CDC20B: variants seen among roughly 807,000 people sequenced by gnomAD.
CDC20B encodes the protein cell division cycle protein 20 homolog B.
In CDC20B, 58 loss-of-function variants were observed where a neutral mutation model predicts 64.1. The observed-to-expected ratio is 0.90, with a 90% confidence interval of 0.73 to 1.13. CDC20B has a LOEUF of 1.13. CDC20B is among the 50% of genes most tolerant of loss of function. The pLI, the probability that CDC20B is intolerant of heterozygous loss-of-function variation, is 0.00. For missense variants in CDC20B, 597 were observed against 633.0 expected, an observed-to-expected ratio of 0.94 and a Z score of 0.61; for synonymous variants, 243 against 230.6, an observed-to-expected ratio of 1.05 and a Z score of -0.49.
At position 55,162,878 on chromosome 5, in the gene CDC20B, A is replaced by C. The variant is rs528990911; in HGVS notation, c.126+9710T>G. Among the ~76,000 whole-genome samples the C allele has an allele frequency of 1.1e-4, 17 of 152,320 alleles. 1 individual carries two copies. Among genetic ancestry groups the C allele is most frequent in the African/African-American group, 4.1e-4 (17 of 41,578 alleles). ...GTGTCATTCCACTTAGATAGGAAGGATCATAGAGCCCAAAGGTTAAGAGCA... is the reference window on the plus strand; with the variant it reads ...GTGTCATTCCACTTAGATAGGAAGGCTCATAGAGCCCAAAGGTTAAGAGCA... On this transcript the variant is annotated intron_variant, in intron 2 of 11. Coordinates refer to ENST00000381375, the MANE Select transcript of CDC20B (RefSeq NM_001170402.1).
intron 2 of CDC20B, among the ~76,000 whole-genome samples, chr5:55,157,604 C>T (rs1002034211): frequency 1.3e-5 from 2 of 152,156 alleles, no homozygotes; most frequent in Admixed American, 6.5e-5. Flanking sequence ...TGAAACCAAC[C>T]TCAACATCAG....
chr5:55,114,232 A>C lies in CDC20B; in HGVS notation c.1546T>G (p.Trp516Gly), dbSNP rs1470346715. ...GGGGCTGGGTGCTAGTAGCAATTCC[A>C]TACAGAGGCCGTCCCATCAGCTGCA... ...SAAADGTASV[W>G]NCY The change falls in exon 12 of 12, where the codon TGG becomes GGG. Residue 516 changes from tryptophan (W) to glycine (G), a missense_variant. Coordinates refer to ENST00000381375, the MANE Select transcript of CDC20B (RefSeq NM_001170402.1). This position sits in a 1 kb window ranked among gnomAD's most constrained non-coding sequence, Gnocchi z 4.1. 4 of 1,613,608 alleles carry C rather than the reference A, an allele frequency of 2.5e-6. No homozygotes were observed. In the African/African-American group the frequency reaches 4.0e-5, roughly 16 times the overall value.
chr5:55,128,323 C>T (rs1348559221), intron 7 of CDC20B, 98 bp downstream of exon 7: 2 of 910,018 alleles, frequency 2.2e-6, no homozygotes, highest in South Asian at 1.9e-5. Context: ...AAGAGCCACA[C>T]CTAGTTTCTC....
chr5:55,138,068 A>G (rs1743230187), intron 5 of CDC20B, among the ~76,000 whole-genome samples: 1 of 152,020 alleles, frequency 6.6e-6, no homozygotes, highest in Non-Finnish European at 1.5e-5. Context: ...AGAAGAAACC[A>G]GATGTTTATT....
At chr5:55,135,599 T>G (rs1376939139) in intron 5 of CDC20B, among the ~76,000 whole-genome samples, 1 of 152,180 alleles carries the variant, frequency 6.6e-6, no homozygotes, top group Non-Finnish European at 1.5e-5. Flanking sequence ...CCCTTTTTAC[T>G]GCTGGGAAAC....
intron 5 of CDC20B, among the ~76,000 whole-genome samples, chr5:55,138,323 G>C (rs1280176382): frequency 6.6e-6 from 1 of 152,094 alleles, no homozygotes; most frequent in East Asian, 1.9e-4. Context: ...ACTATGTTCA[G>C]CTAATTTTTG....
At chr5:55,117,439 A>G (rs1270028156) in intron 11 of CDC20B, among the ~76,000 whole-genome samples, 1 of 152,202 alleles carries the variant, frequency 6.6e-6, no homozygotes, top group African/African-American at 2.4e-5. Flanking sequence ...GTTTCATAAA[A>G]TACTACTTAA....
Position 55,119,991 on chromosome 5 carries a change from G to A in CDC20B, c.1342-73C>T, listed in dbSNP as rs187782683. ...TATGAATATAGTTAAACTGGTTACA[G>A]GCAGTATGCACTGTCCATGACCCAA... On this transcript the variant is annotated intron_variant, in intron 10 of 11. Coordinates refer to ENST00000381375, the MANE Select transcript of CDC20B (RefSeq NM_001170402.1). The A allele has an allele frequency of 7.7e-5, 86 of 1,111,070 alleles. 1 individual carries two copies. In the Admixed American group the frequency reaches 9.1e-4, roughly 12 times the overall value. The allele number at this position is 1,111,070 out of a possible 1,614,324, so 68.8% of individuals were successfully genotyped here. A position where few individuals can be genotyped will look rare whatever the true frequency, so the allele number is the denominator to read the frequency against.
rs1365873356 is a variant in CDC20B, at chr5:55,127,316, A to T, written c.930T>A (p.Asn310Lys). The change falls in exon 8 of 12, where the codon AAT (asparagine) becomes AAA (lysine). Residue 310 changes from asparagine (N) to lysine (K), a missense_variant. Physicochemically the swap from Asn to Lys is moderately conservative, Grantham distance 94. Transcript: ENST00000381375. ...WDVVTKKRLR[N>K]MLGHLSVVGA... ...CAACTACTGACAAATGACCAAGCAT[A>T]TTTCTCAGCCGCTTTTTAGTTACCA... The T allele has an allele frequency of 1.2e-6, 2 of 1,614,148 alleles. No homozygotes were observed.
chr5:55,164,103 A>G (rs1744245199), intron 2 of CDC20B: 6 of 1,604,222 alleles, frequency 3.7e-6, no homozygotes, highest in African/African-American at 1.3e-5. Context: ...TATCTTGTCA[A>G]CCCTGAGGGT....
In CDC20B at chr5:55,141,211, C is replaced by A. The variant is rs577865002; in HGVS notation, c.487-804G>T. Among the ~76,000 whole-genome samples the A allele has an allele frequency of 5.3e-5, 8 of 152,316 alleles. No homozygotes were observed. In the East Asian group the frequency reaches 1.5e-3, roughly 29 times the overall value. ...TACACTAGCTCTCTACACTGTTCAC[C>A]TTTATCTTGGCTGCTTAATTGATGA... is the stretch of plus-strand genomic sequence containing the variant. On this transcript the variant is annotated intron_variant, in intron 4 of 11. Coordinates refer to ENST00000381375, the MANE Select transcript of CDC20B (RefSeq NM_001170402.1).
intron 3 of CDC20B, among the ~76,000 whole-genome samples, chr5:55,144,112 GA>G (rs1252767697): frequency 6.6e-6 from 1 of 152,090 alleles, no homozygotes; most frequent in African/African-American, 2.4e-5. Flanking sequence ...ATCCTGCAAG[GA>G]AAACATTATG....
intron 10 of CDC20B, 68 bp from the exon 11 acceptor site, chr5:55,119,986 T>C: frequency 8.6e-7 from 1 of 1,160,624 alleles, no homozygotes; most frequent in Non-Finnish European, 1.3e-6. Flanking sequence ...GTTAAACTGG[T>C]TACAGGCAGT....
chr5:55,139,716 G>C (rs995850172), intron 5 of CDC20B, among the ~76,000 whole-genome samples: 3 of 152,074 alleles, frequency 2.0e-5, no homozygotes, highest in African/African-American at 7.2e-5. Flanking sequence ...TCGAGAAACT[G>C]ATGAAACTGA....
At position 55,114,040 on chromosome 5, in the gene CDC20B, T is replaced by C. The variant is rs1742567573; in HGVS notation, c.*178A>G. 8.8e-7 allele frequency: 1 copy of C among 1,130,722 alleles called. No individual in the cohort carries two copies. The highest frequency in any genetic ancestry group is 1.6e-5 in the African/African-American group (1 of 63,246). 70.0% of individuals were successfully genotyped at this position (1,130,722 alleles called of 1,614,324 possible). A position where few individuals can be genotyped will look rare whatever the true frequency, so the allele number is the denominator to read the frequency against. On this transcript the variant is annotated 3_prime_UTR_variant, in exon 12 of 12. Transcript: ENST00000381375. The surrounding 1 kb of genome is among the most constrained non-coding windows in gnomAD (Gnocchi z 4.1). ...GAAAGCAGAGAAGAAAAGAAGCGGA[T>C]CTCTGGGAAGCAGAGCAAGTAAAGC...
chr5:55,150,697 A>C (rs970214266), intron 2 of CDC20B, among the ~76,000 whole-genome samples: 2 of 152,254 alleles, frequency 1.3e-5, no homozygotes, highest in Middle Eastern at 3.4e-3. Flanking sequence ...TAAGGTGATG[A>C]GTAATGCCAG....
chr5:55,152,747 T>C lies in CDC20B; in HGVS notation c.127-5891A>G, dbSNP rs1190673753. On this transcript the variant is annotated intron_variant, in intron 2 of 11. Coordinates refer to ENST00000381375, the MANE Select transcript of CDC20B (RefSeq NM_001170402.1). ...TCCACTTTTTTACTTTCTCTCCTGC[T>C]ATATCATACACTCCTTAAGACCAGG... 2.6e-5 allele frequency among the ~76,000 whole-genome samples: 4 copies of C among 152,240 alleles called. No homozygotes were observed. In the South Asian group the frequency reaches 8.3e-4, roughly 31 times the overall value.
intron 9 of CDC20B, among the ~76,000 whole-genome samples, chr5:55,120,996 T>G (rs1742741711): frequency 6.6e-6 from 1 of 152,214 alleles, no homozygotes; most frequent in African/African-American, 2.4e-5. Flanking sequence ...GAACTATATG[T>G]GATTGCTCAC....
intron 2 of CDC20B, among the ~76,000 whole-genome samples, chr5:55,149,474 T>C (rs556528740): frequency 6.6e-6 from 1 of 152,282 alleles, no homozygotes; most frequent in South Asian, 2.1e-4. Flanking sequence ...GATGAATGCA[T>C]AAACAAATCA....
Sources: gnomAD v4.1 joint callset for allele counts (sites outside exome capture counted in the v4.1 genomes callset) on GRCh38, gnomAD v4.1.1 for gene constraint, Gnocchi (gnomAD v3.1) non-coding constraint, MANE v1.5 for transcripts, NCBI Gene and HGNC (gene_info 2026-07-23, HGNC 2026-07-21) for gene names.